The following SLCO5A1 variants were observed in gnomAD, a reference collection of about 807,000 sequenced individuals.
SLCO5A1 encodes organic anion transporter polypeptide-related protein 4.
Under a neutral mutation model 65.1 loss-of-function variants are expected in SLCO5A1, and 39 were observed. That is an observed-to-expected ratio of 0.60 (90% confidence interval 0.46 to 0.78). SLCO5A1 has a LOEUF of 0.78. Ranked by LOEUF, SLCO5A1 falls within the 30% of genes least tolerant of loss-of-function variation. The pLI is 0.00. For missense variants in SLCO5A1, 1,029 were observed against 1,069.4 expected (o/e 0.96, Z 0.53); for synonymous variants, 438 against 415.7 (o/e 1.05, Z -0.65).
At chr8:69,715,506 C>T (rs969968296) in intron 5 of SLCO5A1, among the ~76,000 whole-genome samples, 1 of 152,190 alleles carries the variant, frequency 6.6e-6, no homozygotes, top group African/African-American at 2.4e-5. Flanking sequence ...GGAGCTTTTC[C>T]ATCGAGACAG....
chr8:69,762,002 C>T, intron 2 of SLCO5A1, 127 bp from the exon 3 acceptor site: 1 of 1,156,696 alleles, frequency 8.6e-7, no homozygotes, highest in Non-Finnish European at 1.2e-6. Context: ...AAACGGAGAC[C>T]TTTGGAGATT....
intron 2 of SLCO5A1, among the ~76,000 whole-genome samples, chr8:69,777,387 G>A (rs374123680): frequency 2.0e-5 from 3 of 151,836 alleles, no homozygotes; most frequent in Non-Finnish European, 2.9e-5. Flanking sequence ...AATGTTACCC[G>A]GGGACTGAGG....
intron 2 of SLCO5A1, among the ~76,000 whole-genome samples, chr8:69,772,625 A>AAGGG (rs1818376275): frequency 2.7e-5 from 4 of 149,972 alleles, no homozygotes; most frequent in African/African-American, 7.4e-5. Context: ...AAAGGAAAGG[A>AAGGG]AAGGAAAGGA....
Position 69,770,955 on chromosome 8 carries a change from CTA to C in SLCO5A1, c.908-9082_908-9081del, listed in dbSNP as rs1394534864. 2.0e-5 allele frequency among the ~76,000 whole-genome samples: 3 copies of C among 152,248 alleles called. No homozygotes were observed. The East Asian group carries it at 5.8e-4, about 29-fold the overall frequency. ...CTGCAGATTTAACCTTTATTATACTCTAATCTCTCTTTCACTTTTAGCTTTTG... is the reference window on the plus strand; with the variant it reads ...CTGCAGATTTAACCTTTATTATACTCATCTCTCTTTCACTTTTAGCTTTTG... On this transcript the variant is annotated intron_variant, in intron 2 of 9. Coordinates refer to ENST00000260126, the MANE Select transcript of SLCO5A1 (RefSeq NM_030958.3).
In SLCO5A1 at chr8:69,705,048, G is replaced by A; in HGVS notation, c.1605C>T (p.Asn535=). The part of the protein sequence containing the change: ...GCESINLGGI[N]IPYTTGPSLT... ...GTACTTACCCTGTTGTATAAGGGAT[G>A]TTTATGCCCCCTAGATTAATGCTTT... The change falls in exon 6 of 10, where the codon AAC becomes AAT. Residue 535 remains asparagine (N), a synonymous_variant. Coordinates refer to ENST00000260126, the MANE Select transcript of SLCO5A1 (RefSeq NM_030958.3). 1 of 1,612,660 alleles carries A rather than the reference G, an allele frequency of 6.2e-7. No homozygotes were observed. The highest frequency in any genetic ancestry group is 8.5e-7 in the Non-Finnish European group (1 of 1,180,004).
chr8:69,803,471 G>A lies in SLCO5A1; in HGVS notation c.907+28296C>T, dbSNP rs146866235. Among the ~76,000 whole-genome samples the A allele has an allele frequency of 1.1e-3, 170 of 152,092 alleles. 1 individual carries two copies. The highest frequency in any genetic ancestry group is 0.01 in the Middle Eastern group (3 of 294). ...CGGGTTCCTGTAATCCCAGCTACTC[G>A]AGAGGCTAAGGCAGGAGAATCGCTT... On this transcript the variant is annotated intron_variant, in intron 2 of 9. Transcript: ENST00000260126.
chr8:69,678,908 A>G (rs373033114), intron 8 of SLCO5A1, among the ~76,000 whole-genome samples: 11 of 152,210 alleles, frequency 7.2e-5, no homozygotes, highest in African/African-American at 1.9e-4. Context: ...TTCAAATTGC[A>G]GGCCCAGCAT....
chr8:69,777,960 C>T (rs1295905671), intron 2 of SLCO5A1, among the ~76,000 whole-genome samples: 1 of 152,142 alleles, frequency 6.6e-6, no homozygotes, highest in Non-Finnish European at 1.5e-5. Flanking sequence ...AGGGTGAGCA[C>T]AGTACAATAA....
At chr8:69,705,375 TATA>T (rs1412787657) in intron 5 of SLCO5A1, 146 bp from the exon 6 acceptor site, 17 of 676,914 alleles carry the variant, frequency 2.5e-5, no homozygotes, top group African/African-American at 3.6e-5. Flanking sequence ...GATTTTATAG[TATA>T]ATATTATTTT....
In SLCO5A1 at chr8:69,756,175, G is replaced by C. The variant is rs559247338; in HGVS notation, c.1041-534C>G. 9.2e-4 allele frequency among the ~76,000 whole-genome samples: 140 copies of C among 152,270 alleles called. No homozygotes were observed. The South Asian group carries it at 0.013, about 14-fold the overall frequency. On this transcript the variant is annotated intron_variant, in intron 3 of 9. Transcript: ENST00000260126. ...GCGGTGACTCACACCTATAATCCCAGCACGTTGGGAGGCTGAAACAGGAGT... is the reference window on the plus strand; with the variant it reads ...GCGGTGACTCACACCTATAATCCCACCACGTTGGGAGGCTGAAACAGGAGT...
intron 6 of SLCO5A1, among the ~76,000 whole-genome samples, chr8:69,703,092 C>CAG (rs1221132793): frequency 7.9e-6 from 1 of 125,966 alleles, no homozygotes; most frequent in Non-Finnish European, 1.6e-5. Flanking sequence ...GCCTGGGGGA[C>CAG]AGAGAGAGAC....
chr8:69,783,113 A>G (rs967130119), intron 2 of SLCO5A1, among the ~76,000 whole-genome samples: 1 of 152,182 alleles, frequency 6.6e-6, no homozygotes, highest in Non-Finnish European at 1.5e-5. Context: ...AGCTATAACA[A>G]TGATCATTAT....
At chr8:69,699,946 G>A (rs570077466) in intron 6 of SLCO5A1, among the ~76,000 whole-genome samples, 21 of 152,186 alleles carry the variant, frequency 1.4e-4, no homozygotes, top group African/African-American at 4.1e-4. Context: ...TAGAGTGACC[G>A]CATCTCTACA....
rs13439645 is a variant in SLCO5A1, at chr8:69,806,877, G to A, written c.907+24890C>T. On this transcript the variant is annotated intron_variant, in intron 2 of 9. Coordinates refer to ENST00000260126, the MANE Select transcript of SLCO5A1 (RefSeq NM_030958.3). ...GAAACAATAAACATGATGTAGAGTG[G>A]GAAAACAGAAGTTAATTAGAAAATC... is the stretch of plus-strand genomic sequence containing the variant. Among the ~76,000 whole-genome samples, 1,070 of 152,230 alleles carry A rather than the reference G, an allele frequency of 7.0e-3. 16 individuals are homozygous for A. Among genetic ancestry groups the A allele is most frequent in the African/African-American group, 0.024 (1,014 of 41,522 alleles).
chr8:69,675,671 G>A (rs913411106), intron 9 of SLCO5A1, among the ~76,000 whole-genome samples: 1 of 152,132 alleles, frequency 6.6e-6, no homozygotes, highest in African/African-American at 2.4e-5. Flanking sequence ...CACAACATAT[G>A]ACAAATGGAG....
At chr8:69,685,697 C>A (rs973471870) in intron 6 of SLCO5A1, among the ~76,000 whole-genome samples, 7 of 152,048 alleles carry the variant, frequency 4.6e-5, no homozygotes, top group Admixed American at 1.3e-4. Flanking sequence ...GATTATCTGG[C>A]AAATTTGCTA....
chr8:69,764,592 C>T (rs559971259), intron 2 of SLCO5A1, among the ~76,000 whole-genome samples: 3 of 152,112 alleles, frequency 2.0e-5, no homozygotes, highest in Non-Finnish European at 4.4e-5. Context: ...CAGAAGCATG[C>T]TTCTCATCAA....
intron 6 of SLCO5A1, among the ~76,000 whole-genome samples, chr8:69,696,290 C>CA (rs1345333678): frequency 6.6e-6 from 1 of 152,150 alleles, no homozygotes; most frequent in African/African-American, 2.4e-5. Context: ...CCAAACTCCA[C>CA]AAAAATGGCA....
chr8:69,803,739 A>C (rs1819862755), intron 2 of SLCO5A1, among the ~76,000 whole-genome samples: 1 of 152,130 alleles, frequency 6.6e-6, no homozygotes, highest in South Asian at 2.1e-4. Flanking sequence ...ATGTAATCCC[A>C]ACACTTTGGG....
Sources: gnomAD v4.1 joint callset for allele counts (sites outside exome capture counted in the v4.1 genomes callset) on GRCh38, gnomAD v4.1.1 for gene constraint, MANE v1.5 for transcripts, NCBI Gene and HGNC (gene_info 2026-07-23, HGNC 2026-07-21) for gene names.